BBS9: variants seen among roughly 807,000 people sequenced by gnomAD.
The protein encoded by BBS9 is protein PTHB1.
BBS9 carries 89 observed loss-of-function variants against 117.7 expected under a neutral mutation model. That is an observed-to-expected ratio of 0.76 (90% confidence interval 0.64 to 0.90). The LOEUF (loss-of-function observed/expected upper bound fraction) is 0.90, where lower values mean the gene tolerates loss of function less well. Ranked by LOEUF, BBS9 falls within the 40% of genes least tolerant of loss-of-function variation. The pLI, the probability that BBS9 is intolerant of heterozygous loss-of-function variation, is 0.00. For missense variants in BBS9, 982 were observed against 1,042.2 expected (o/e 0.94, Z 0.80); for synonymous variants, 379 against 370.9 (o/e 1.02, Z -0.25).
At chr7:33,452,783 A>G (rs1838083315) in intron 19 of BBS9, among the ~76,000 whole-genome samples, 1 of 152,218 alleles carries the variant, frequency 6.6e-6, no homozygotes, top group Non-Finnish European at 1.5e-5. Flanking sequence ...TGATAGTGTA[A>G]TCAGAAGAAA....
chr7:33,550,624 TG>T (rs1020001069), intron 21 of BBS9, among the ~76,000 whole-genome samples: 3 of 152,110 alleles, frequency 2.0e-5, no homozygotes, highest in Non-Finnish European at 4.4e-5. Context: ...AGATCTATGC[TG>T]CCAACCTTTA....
At chr7:33,450,309 A>G (rs1057031571) in intron 19 of BBS9, among the ~76,000 whole-genome samples, 2 of 152,180 alleles carry the variant, frequency 1.3e-5, no homozygotes, top group African/African-American at 4.8e-5. Context: ...CCCCTTGGCA[A>G]TTGCGAATAA....
intron 20 of BBS9, among the ~76,000 whole-genome samples, chr7:33,517,156 C>T (rs1341786126): frequency 6.6e-6 from 1 of 152,224 alleles, no homozygotes; most frequent in Non-Finnish European, 1.5e-5. Context: ...GTTAAACACA[C>T]ACCCAAATAA....
intron 15 of BBS9, among the ~76,000 whole-genome samples, chr7:33,355,738 G>A (rs1563053853): frequency 1.3e-5 from 2 of 151,682 alleles, no homozygotes; most frequent in Non-Finnish European, 3.0e-5. Context: ...TTCCTTCTTG[G>A]GTTTATTAGT....
At chr7:33,197,037 AAT>A (rs1362032184) in intron 5 of BBS9, among the ~76,000 whole-genome samples, 2 of 152,154 alleles carry the variant, frequency 1.3e-5, no homozygotes, top group African/African-American at 4.8e-5. Flanking sequence ...AATTTGGTTA[AAT>A]ACCTCCTTGC....
At chr7:33,179,083 G>A (rs1344870116) in intron 5 of BBS9, among the ~76,000 whole-genome samples, 1 of 152,098 alleles carries the variant, frequency 6.6e-6, no homozygotes, top group Non-Finnish European at 1.5e-5. Flanking sequence ...TTGAAAAAAT[G>A]TCTGACCTGA....
At chr7:33,248,449 A>G (rs1377123859) in intron 5 of BBS9, among the ~76,000 whole-genome samples, 1 of 152,194 alleles carries the variant, frequency 6.6e-6, no homozygotes, top group Non-Finnish European at 1.5e-5. Flanking sequence ...ACCAATTATT[A>G]GTTACTAAGC....
intron 5 of BBS9, among the ~76,000 whole-genome samples, chr7:33,236,980 CA>C (rs1407214564): frequency 6.6e-6 from 1 of 152,014 alleles, no homozygotes; most frequent in Non-Finnish European, 1.5e-5. Flanking sequence ...TTTAATCAGT[CA>C]TCTGTTGATG....
At chr7:33,464,584 A>T (rs1291912011) in intron 19 of BBS9, among the ~76,000 whole-genome samples, 1 of 151,864 alleles carries the variant, frequency 6.6e-6, no homozygotes, top group East Asian at 1.9e-4. Flanking sequence ...CTGTTCAATA[A>T]TTTTTTTCCT....
At chr7:33,521,008 A>G (rs1297309731) in intron 20 of BBS9, among the ~76,000 whole-genome samples, 1 of 151,884 alleles carries the variant, frequency 6.6e-6, no homozygotes. Flanking sequence ...TTTTTTTGTA[A>G]GTTGCTTCTG....
rs111719811 is a variant in BBS9 at position 33,544,609 on chromosome 7, A to G, written c.2521+10433A>G. Among the ~76,000 whole-genome samples, 874 of 152,250 alleles carry G rather than the reference A, an allele frequency of 5.7e-3. 5 individuals carry two copies. Among genetic ancestry groups the G allele is most frequent in the Middle Eastern group, 0.031 (9 of 294 alleles). ...TCTGGTGGAGGTGGTGGAGAGTTCA[A>G]TGGACTCCATAAAGGTCCTTAGCTT... is the stretch of plus-strand genomic sequence containing the variant. On this transcript the variant is annotated intron_variant, in intron 21 of 22. Transcript: ENST00000242067.
chr7:33,582,766 G>T (rs181913975), intron 21 of BBS9, among the ~76,000 whole-genome samples: 1 of 152,152 alleles, frequency 6.6e-6, no homozygotes, highest in Non-Finnish European at 1.5e-5. Context: ...GAGGATTTGG[G>T]TGATGAAAGA....
intron 13 of BBS9, 85 bp downstream of exon 13, chr7:33,349,255 A>G: frequency 1.1e-6 from 1 of 937,912 alleles, no homozygotes; most frequent in Non-Finnish European, 1.7e-6. Context: ...CTATTATTTC[A>G]TGTCTGAATG....
chr7:33,335,329 C>T (rs1011690773), intron 9 of BBS9, among the ~76,000 whole-genome samples: 2 of 152,112 alleles, frequency 1.3e-5, no homozygotes, highest in African/African-American at 2.4e-5. Flanking sequence ...CTTCAAGTAG[C>T]TGGGAGTACA....
intron 9 of BBS9, among the ~76,000 whole-genome samples, chr7:33,284,677 C>T (rs1435799475): frequency 6.6e-6 from 1 of 152,110 alleles, no homozygotes; most frequent in Non-Finnish European, 1.5e-5. Context: ...TGGTTGGCTA[C>T]TTATTTTCTG....
intron 21 of BBS9, among the ~76,000 whole-genome samples, chr7:33,571,137 T>C (rs1170970148): frequency 6.6e-6 from 1 of 152,172 alleles, no homozygotes; most frequent in Non-Finnish European, 1.5e-5. Flanking sequence ...AAACTCATTG[T>C]ACTATTTTGT....
At chr7:33,257,195 AAAAAG>A in intron 5 of BBS9, 36 bp from the exon 6 acceptor site, 1 of 1,337,020 alleles carries the variant, frequency 7.5e-7, no homozygotes, top group Non-Finnish European at 1.0e-6. Flanking sequence ...TTATATTTAT[AAAAAG>A]AATAGATTAT....
At chr7:33,174,750 A>T (rs1418210193) in intron 4 of BBS9, among the ~76,000 whole-genome samples, 1 of 152,222 alleles carries the variant, frequency 6.6e-6, no homozygotes, top group Non-Finnish European at 1.5e-5. Context: ...GTTCAGAATG[A>T]AATTTGAAAT....
chr7:33,514,087 A>G (rs1847372397), intron 20 of BBS9, among the ~76,000 whole-genome samples: 1 of 152,238 alleles, frequency 6.6e-6, no homozygotes, highest in African/African-American at 2.4e-5. Context: ...TAGTTGCAAA[A>G]TATAAACTGT....
Sources: gnomAD v4.1 joint callset for allele counts (sites outside exome capture counted in the v4.1 genomes callset) on GRCh38, gnomAD v4.1.1 for gene constraint, MANE v1.5 for transcripts, NCBI Gene and HGNC (gene_info 2026-07-23, HGNC 2026-07-21) for gene names.